Variants in RNF19B observed in about 807,000 individuals in gnomAD.
The protein encoded by RNF19B is E3 ubiquitin-protein ligase RNF19B.
RNF19B carries 23 observed loss-of-function variants against 65.5 expected under a neutral mutation model. The ratio of observed to expected loss-of-function variants is 0.35; its 90% CI spans 0.25 to 0.50. The LOEUF (loss-of-function observed/expected upper bound fraction) is 0.50, where lower values mean the gene tolerates loss of function less well. Among genes scored for constraint, RNF19B ranks in the 20% least tolerant of loss-of-function variants. The pLI is 0.98. For missense variants in RNF19B, 794 were observed against 980.0 expected (o/e 0.81, Z 2.53); for synonymous variants, 372 against 379.6 (o/e 0.98, Z 0.23).
downstream of RNF19B, among the ~76,000 whole-genome samples, chr1:32,933,986 C>T (rs1052732769): frequency 4.6e-5 from 7 of 152,152 alleles, no homozygotes; most frequent in African/African-American, 1.7e-4. Context: ...ATTGTTCTCT[C>T]GAGGCTTCAA....
chr1:32,947,638 G>A (rs781381230), intron 3 of RNF19B, among the ~76,000 whole-genome samples: 9 of 148,960 alleles, frequency 6.0e-5, no homozygotes, highest in East Asian at 3.9e-4. Flanking sequence ...CAGCCTGGGC[G>A]ACAGAGAGAA....
chr1:32,951,228 T>TTTTTTAAAAAATCCAGG (rs1402492546), intron 1 of RNF19B, among the ~76,000 whole-genome samples: 3 of 150,806 alleles, frequency 2.0e-5, no homozygotes, highest in Non-Finnish European at 4.4e-5. Context: ...CAGTGTTGTA[T>TTTTTTAAAAAATCCAGG]TTTTTAAAAA....
chr1:32,937,459 C>A (rs1054125845), intron 8 of RNF19B, 200 bp from the exon 9 acceptor site: 2 of 849,396 alleles, frequency 2.4e-6, no homozygotes, highest in Middle Eastern at 3.5e-4. Context: ...TGCCTATAAC[C>A]CCAGCGCTTT....
intron 1 of RNF19B, among the ~76,000 whole-genome samples, chr1:32,961,456 G>C (rs1440500048): frequency 2.0e-5 from 3 of 152,132 alleles, no homozygotes; most frequent in Non-Finnish European, 4.4e-5. Context: ...ATATGACCCT[G>C]AACAAGTCAT....
chr1:32,935,345 GC>G (rs1298572324), downstream of RNF19B, among the ~76,000 whole-genome samples: 1 of 151,748 alleles, frequency 6.6e-6, no homozygotes, highest in Non-Finnish European at 1.5e-5. Flanking sequence ...CACCATGTTG[GC>G]CAGGCTGGTC....
At position 32,949,788 on chromosome 1, in the gene RNF19B, C is replaced by T. The variant is rs766225456; in HGVS notation, c.636-14G>A. 1.7e-5 allele frequency: 28 copies of T among 1,600,422 alleles called. No homozygotes were observed. The highest frequency in any genetic ancestry group is 5.0e-5 in the Admixed American group (3 of 59,530). The stretch of plus-strand genomic sequence containing the variant: ...ATAACAGCATAACTAGGTAAGGAAA[C>T]AGTAAGAGATACCAGTAAGGTAAGA... On this transcript the variant is annotated splice_polypyrimidine_tract_variant and intron_variant, in intron 1 of 8. Transcript: ENST00000235150.
Position 32,936,741 on chromosome 1 carries a change from A to G in RNF19B, c.*65T>C, listed in dbSNP as rs1329606584. 1 of 1,433,816 alleles carries G rather than the reference A, an allele frequency of 7.0e-7. No homozygotes were observed. The highest frequency in any genetic ancestry group is 9.2e-7 in the Non-Finnish European group (1 of 1,083,864). 88.8% of individuals were successfully genotyped at this position (1,433,816 alleles called of 1,614,324 possible). ...TAAATCTCTACCCCTTGGAAAAAAA[A>G]AAAAAAAAATTCCAAAAGATGCAGT... is the stretch of plus-strand genomic sequence containing the variant. On this transcript the variant is annotated 3_prime_UTR_variant, in exon 9 of 9. Coordinates refer to ENST00000235150, the MANE Select transcript of RNF19B (RefSeq NM_001300826.2).
intron 1 of RNF19B, among the ~76,000 whole-genome samples, chr1:32,952,984 T>TG (rs1642545300): frequency 6.9e-6 from 1 of 145,454 alleles, no homozygotes; most frequent in African/African-American, 2.6e-5. Context: ...TTTTTTTTTT[T>TG]GAAGACAAGG....
At chr1:32,963,144 GT>G (rs1271141772) in intron 1 of RNF19B, among the ~76,000 whole-genome samples, 10 of 152,058 alleles carry the variant, frequency 6.6e-5, no homozygotes, top group African/African-American at 2.4e-4. Context: ...GAACATATCT[GT>G]CTACCCCTCA....
At chr1:32,940,973 T>C (rs768470139) in intron 7 of RNF19B, among the ~76,000 whole-genome samples, 48 of 152,306 alleles carry the variant, frequency 3.2e-4, no homozygotes, top group Middle Eastern at 3.4e-3. Flanking sequence ...CCTATAATCC[T>C]AGCACGTTGG....
At position 32,964,691 on chromosome 1, in the gene RNF19B, G is replaced by T; in HGVS notation, c.-6C>A. The T allele has an allele frequency of 1.4e-6, 2 of 1,458,334 alleles. No homozygotes were observed. The allele number at this position is 1,458,334 out of a possible 1,614,324, so 90.3% of individuals were successfully genotyped here. ...GAGTCCTTCTCGGAGCCCATGGCCG[G>T]CAGAGGCCGAGGAGCCAGGGGCGCC... On this transcript the variant is annotated 5_prime_UTR_variant, in exon 1 of 9. Coordinates refer to ENST00000235150, the MANE Select transcript of RNF19B (RefSeq NM_001300826.2). This position sits in a 1 kb window ranked among gnomAD's most constrained non-coding sequence, Gnocchi z 6.5.
chr1:32,952,850 C>T (rs973364851), intron 1 of RNF19B, among the ~76,000 whole-genome samples: 1 of 150,348 alleles, frequency 6.7e-6, no homozygotes, highest in African/African-American at 2.5e-5. Flanking sequence ...GAGGTTGAGG[C>T]TCCAGTGAGC....
At chr1:32,936,416 T>A (rs969852532), downstream of RNF19B, 2 of 159,146 alleles carry the variant, frequency 1.3e-5, no homozygotes, top group African/African-American at 2.4e-5. Context: ...CTTGGCTCTG[T>A]GGGACTATCC....
At chr1:32,953,901 C>CTTTTTT (rs1180002582) in intron 1 of RNF19B, among the ~76,000 whole-genome samples, 20 of 84,196 alleles carry the variant, frequency 2.4e-4, no homozygotes, top group South Asian at 4.2e-4. Context: ...GCCCCCACTT[C>CTTTTTT]TTTTTTTTTT....
In RNF19B at chr1:32,964,764, C is replaced by A. The variant is rs912556367; in HGVS notation, c.-79G>T. On this transcript the variant is annotated 5_prime_UTR_variant, in exon 1 of 9. Transcript: ENST00000235150. The surrounding 1 kb of genome is among the most constrained non-coding windows in gnomAD (Gnocchi z 6.5). ...TCAGCGCCCCTCAGCCAGCGCCCGGCCGCCGCCGACGCCGCCACCACCGCC... is the reference window on the plus strand; with the variant it reads ...TCAGCGCCCCTCAGCCAGCGCCCGGACGCCGCCGACGCCGCCACCACCGCC... 1.6e-6 allele frequency: 2 copies of A among 1,243,796 alleles called. No homozygotes were observed. Among genetic ancestry groups the A allele is most frequent in the Non-Finnish European group, 2.0e-6 (2 of 979,940 alleles). 77.0% of individuals were successfully genotyped at this position (1,243,796 alleles called of 1,614,324 possible).
At chr1:32,961,048 T>C (rs983108036) in intron 1 of RNF19B, among the ~76,000 whole-genome samples, 2 of 152,064 alleles carry the variant, frequency 1.3e-5, no homozygotes, top group African/African-American at 4.8e-5. Flanking sequence ...ACTAGGCACA[T>C]CCCAAGGGAG....
chr1:32,963,718 C>CA (rs1029749203), intron 1 of RNF19B, among the ~76,000 whole-genome samples: 189 of 105,804 alleles, frequency 1.8e-3, no homozygotes, highest in Middle Eastern at 5.3e-3. Flanking sequence ...ACTCCGTCTC[C>CA]AAAAAAAAAA....
At position 32,936,882 on chromosome 1, in the gene RNF19B, C is replaced by T; in HGVS notation, c.2120G>A (p.Ser707Asn). Residue 707 changes from serine (S) to asparagine (N), a missense_variant, in exon 9 of 9, where the codon AGT (serine) becomes AAT (asparagine). Coordinates refer to ENST00000235150, the MANE Select transcript of RNF19B (RefSeq NM_001300826.2). ...TPRAQGAPSP[S>N]AHMNLSALAE... ...TAGGGCAGAGAGGTTCATATGGGCA[C>T]TTGGGCTCGGTGCACCTTGGGCTCT... 2 of 1,613,356 alleles carry T rather than the reference C, an allele frequency of 1.2e-6. No homozygotes were observed. The highest frequency in any genetic ancestry group is 1.7e-6 in the Non-Finnish European group (2 of 1,179,582).
chr1:32,943,714 A>G (rs1642295262), intron 6 of RNF19B, among the ~76,000 whole-genome samples: 2 of 152,200 alleles, frequency 1.3e-5, no homozygotes, highest in Admixed American at 1.3e-4. Context: ...ATTGTGTAAA[A>G]TACTCTGAAA....
Sources: gnomAD v4.1 joint callset for allele counts (sites outside exome capture counted in the v4.1 genomes callset) on GRCh38, gnomAD v4.1.1 for gene constraint, Gnocchi (gnomAD v3.1) non-coding constraint, MANE v1.5 for transcripts, NCBI Gene and HGNC (gene_info 2026-07-23, HGNC 2026-07-21) for gene names.